HLCS: variants seen among roughly 807,000 people sequenced by gnomAD.
HLCS encodes biotin--protein ligase.
Under a neutral mutation model 75.0 loss-of-function variants are expected in HLCS, and 53 were observed. The observed-to-expected ratio is 0.71, with a 90% CI of 0.57 to 0.89. The LOEUF (loss-of-function observed/expected upper bound fraction) is 0.89. Among genes scored for constraint, HLCS ranks in the 40% least tolerant of loss-of-function variants. The pLI, the probability that HLCS is intolerant of heterozygous loss-of-function variation, is 0.00. For missense variants in HLCS, 966 were observed against 1,074.0 expected, an observed-to-expected ratio of 0.90 and a Z score of 1.41; for synonymous variants, 431 against 428.6, an observed-to-expected ratio of 1.01 and a Z score of -0.07.
rs550742356 is a variant in HLCS, at chr21:36,750,046, T to C, written c.*4200A>G. 5.9e-5 allele frequency: 9 copies of C among 152,372 alleles called. No homozygotes were observed. The East Asian group carries it at 1.7e-3, about 29-fold the overall frequency. The allele number at this position is 152,372 out of a possible 1,614,324, so 9.4% of individuals were successfully genotyped here. A position where few individuals can be genotyped will look rare whatever the true frequency, so the allele number is the denominator to read the frequency against. ...AAGGAAGATTCTTACACGAGCTGGC[T>C]TCAGGACGGCCAGGGCTGAGTGTGA... On this transcript the variant is annotated 3_prime_UTR_variant, in exon 11 of 11. Transcript: ENST00000674895.
At chr21:36,966,362 G>T in intron 1 of HLCS, 82 bp downstream of exon 1, 1 of 676,000 alleles carries the variant, frequency 1.5e-6, no homozygotes, top group Non-Finnish European at 1.8e-6. Context: ...GAACTCCCGG[G>T]CTCCCGGCGG....
intron 6 of HLCS, among the ~76,000 whole-genome samples, chr21:36,815,866 GA>G (rs1243875861): frequency 2.0e-5 from 3 of 152,044 alleles, no homozygotes; most frequent in Non-Finnish European, 2.9e-5. Flanking sequence ...ACTCAAGACA[GA>G]AAAAAAGTCA....
chr21:36,806,029 CACTT>C (rs2061349997), intron 6 of HLCS: 2 of 152,210 alleles, frequency 1.3e-5, no homozygotes, highest in African/African-American at 2.4e-5. Flanking sequence ...CATCTTCTAT[CACTT>C]ACAGAGGGAT....
chr21:36,902,939 G>A (rs148323618), intron 5 of HLCS, among the ~76,000 whole-genome samples: 119 of 152,268 alleles, frequency 7.8e-4, no homozygotes, highest in African/African-American at 2.6e-3. Flanking sequence ...GAGACTAACC[G>A]ACCACAAATG....
intron 2 of HLCS, among the ~76,000 whole-genome samples, chr21:36,957,136 T>C (rs999546546): frequency 6.6e-6 from 1 of 151,628 alleles, no homozygotes; most frequent in Non-Finnish European, 1.5e-5. Flanking sequence ...CGTTGAAATG[T>C]AATCCCCAGT....
chr21:36,804,941 A>G (rs1280307843), intron 6 of HLCS, among the ~76,000 whole-genome samples: 3 of 152,214 alleles, frequency 2.0e-5, no homozygotes, highest in African/African-American at 7.2e-5. Context: ...GACAGTTGAC[A>G]AACTGTCTCT....
In HLCS at chr21:36,863,335, G is replaced by A. The variant is rs79964423; in HGVS notation, c.1892+33525C>T. On this transcript the variant is annotated intron_variant, in intron 6 of 10. Coordinates refer to ENST00000674895, the MANE Select transcript of HLCS (RefSeq NM_001352514.2). Reference sequence around the variant, plus strand: ...TGCAGAGGAGAGAGAACTGACCATCGCCGATCCACTGAGAAGGAATCAGAT... The same window carrying A: ...TGCAGAGGAGAGAGAACTGACCATCACCGATCCACTGAGAAGGAATCAGAT... Among the ~76,000 whole-genome samples the A allele has an allele frequency of 4.8e-3, 726 of 152,112 alleles. 7 individuals carry two copies. Among genetic ancestry groups the A allele is most frequent in the African/African-American group, 0.017 (700 of 41,498 alleles).
At chr21:36,958,714 G>A (rs908084166) in intron 2 of HLCS, among the ~76,000 whole-genome samples, 13 of 151,770 alleles carry the variant, frequency 8.6e-5, no homozygotes, top group Admixed American at 2.6e-4. Flanking sequence ...GCTTGAACCC[G>A]GGAGGTGGAG....
rs139789082 is a variant in HLCS, at chr21:36,891,196, C to T, written c.1892+5664G>A. Among the ~76,000 whole-genome samples the T allele has an allele frequency of 2.3e-3, 357 of 152,258 alleles. 8 individuals are homozygous for T. The South Asian group carries it at 0.028, about 12-fold the overall frequency. ...TTTACCCCTTCCTCCCACTTACTGG[C>T]TCAAGTAAGAACATAAACACTGGGA... On this transcript the variant is annotated intron_variant, in intron 6 of 10. Coordinates refer to ENST00000674895, the MANE Select transcript of HLCS (RefSeq NM_001352514.2).
chr21:36,890,580 C>T (rs940988004), intron 6 of HLCS, among the ~76,000 whole-genome samples: 1 of 152,046 alleles, frequency 6.6e-6, no homozygotes, highest in Non-Finnish European at 1.5e-5. Context: ...GGTGGAGACA[C>T]AAGGTGAAGG....
In HLCS at chr21:36,888,443, AAAATATATATATATATATAT is replaced by A. The variant is rs1287588206; in HGVS notation, c.1892+8397_1892+8416del. Among the ~76,000 whole-genome samples, 69 of 28,306 alleles carry A rather than the reference AAAATATATATATATATATAT, an allele frequency of 2.4e-3. 1 individual carries two copies. Among genetic ancestry groups the A allele is most frequent in the South Asian group, 9.1e-3 (5 of 552 alleles). 18.6% of individuals were successfully genotyped at this position (28,306 alleles called of 152,430 possible). A position where few individuals can be genotyped will look rare whatever the true frequency, so the allele number is the denominator to read the frequency against. On this transcript the variant is annotated intron_variant, in intron 6 of 10. Transcript: ENST00000674895. ...GCCCCCTTCCCATTTAAAAAAAAAA[AAAATATATATATATATATAT>A]ATATATATATATATATATATATATA...
chr21:36,966,282 T>G (rs1364059530), intron 1 of HLCS, among the ~76,000 whole-genome samples, 162 bp downstream of exon 1: 3 of 152,040 alleles, frequency 2.0e-5, no homozygotes, highest in Admixed American at 6.5e-5. Context: ...CCGGCCTCTC[T>G]CTGGGCCCCG....
intron 2 of HLCS, among the ~76,000 whole-genome samples, chr21:36,950,225 A>T (rs1028066494): frequency 2.0e-5 from 3 of 152,174 alleles, no homozygotes; most frequent in Non-Finnish European, 4.4e-5. Flanking sequence ...ATCAAGTCCA[A>T]ATTCCTGGTT....
intron 1 of HLCS, among the ~76,000 whole-genome samples, chr21:36,987,783 G>A (rs1054445719): frequency 1.3e-5 from 2 of 151,986 alleles, no homozygotes; most frequent in African/African-American, 2.4e-5. Context: ...CTCTCATAGT[G>A]AGGATCCCAG....
rs2063487066 is a variant in HLCS at position 36,864,419 on chromosome 21, C to A, written c.1892+32441G>T. ...TCAAAAAAAAAAAAAAGTACATGAA[C>A]AAACATTTCCTTTAGTCAAAAATTT... is the stretch of plus-strand genomic sequence containing the variant. On this transcript the variant is annotated intron_variant, in intron 6 of 10. Coordinates refer to ENST00000674895, the MANE Select transcript of HLCS (RefSeq NM_001352514.2). 3.3e-5 allele frequency among the ~76,000 whole-genome samples: 5 copies of A among 151,284 alleles called. No homozygotes were observed. The South Asian group carries it at 1.0e-3, about 32-fold the overall frequency.
chr21:36,838,286 T>C (rs999010429), intron 6 of HLCS, among the ~76,000 whole-genome samples: 2 of 143,822 alleles, frequency 1.4e-5, no homozygotes, highest in Admixed American at 6.8e-5. Flanking sequence ...CTTTCTGCAG[T>C]GGGGTGAATG....
chr21:36,780,534 A>T (rs1370703156), intron 6 of HLCS, among the ~76,000 whole-genome samples: 1 of 152,150 alleles, frequency 6.6e-6, no homozygotes. Context: ...TTCTTCTTAA[A>T]GCTGAGCAGA....
chr21:36,880,931 T>C (rs2064181782), intron 6 of HLCS, among the ~76,000 whole-genome samples: 1 of 151,624 alleles, frequency 6.6e-6, no homozygotes, highest in South Asian at 2.1e-4. Context: ...GTGTTTGGGT[T>C]GGAAGCGATG....
At chr21:36,915,905 G>T (rs554016513) in intron 5 of HLCS, among the ~76,000 whole-genome samples, 1 of 151,994 alleles carries the variant, frequency 6.6e-6, no homozygotes, top group African/African-American at 2.4e-5. Flanking sequence ...GGGGGCTCTC[G>T]GTGCACAGGA....
Sources: gnomAD v4.1 joint callset for allele counts (sites outside exome capture counted in the v4.1 genomes callset) on GRCh38, gnomAD v4.1.1 for gene constraint, MANE v1.5 for transcripts, NCBI Gene and HGNC (gene_info 2026-07-23, HGNC 2026-07-21) for gene names.